MMP26: variants seen among roughly 807,000 people sequenced by gnomAD.
MMP26 encodes the protein matrix metalloproteinase-26.
In MMP26, 33 loss-of-function variants were observed where a neutral mutation model predicts 31.0. That is an observed-to-expected ratio of 1.06 (90% CI 0.81 to 1.42). The LOEUF is 1.42. Among genes scored for constraint, MMP26 ranks in the 40% most tolerant of loss-of-function variants. MMP26 has a pLI of 0.00. For missense variants in MMP26, 347 were observed against 316.1 expected, an observed-to-expected ratio of 1.10 and a Z score of -0.74; for synonymous variants, 122 against 114.9, an observed-to-expected ratio of 1.06 and a Z score of -0.40.
At chr11:4,966,600 G>A (rs1197525114) in intron 2 of MMP26, among the ~76,000 whole-genome samples, 6 of 152,198 alleles carry the variant, frequency 3.9e-5, no homozygotes, top group Non-Finnish European at 7.3e-5. Context: ...CTTGGTCAAG[G>A]TGAGACTCTC....
chr11:4,838,316 A>G (rs1229726503), intron 2 of MMP26, among the ~76,000 whole-genome samples: 2 of 37,950 alleles, frequency 5.3e-5, no homozygotes, highest in Non-Finnish European at 8.3e-5. Flanking sequence ...GACTCTGTCT[A>G]AAAAAAAAAA....
At chr11:4,908,555 G>A in intron 2 of MMP26, 1 of 516,726 alleles carries the variant, frequency 1.9e-6, no homozygotes. Context: ...TTCTGTGATG[G>A]AGCAGCTGGA....
intron 2 of MMP26, among the ~76,000 whole-genome samples, chr11:4,888,154 A>T (rs962150945): frequency 2.0e-5 from 3 of 152,204 alleles, no homozygotes; most frequent in Non-Finnish European, 4.4e-5. Context: ...AAATATGTTA[A>T]TAATAGTTTT....
intron 2 of MMP26, chr11:4,908,358 C>T (rs766958529): frequency 6.8e-7 from 1 of 1,478,548 alleles, no homozygotes; most frequent in South Asian, 1.1e-5. Flanking sequence ...CATTTACTGT[C>T]ATTTGCTATG....
chr11:4,706,577 C>CAAAAAAAAAAAA (rs71050423), intron 1 of MMP26, among the ~76,000 whole-genome samples: 2 of 87,560 alleles, frequency 2.3e-5, no homozygotes, highest in Non-Finnish European at 4.2e-5. Flanking sequence ...GACCCTATCT[C>CAAAAAAAAAAAA]AAAAAAAAAA....
In MMP26 at chr11:4,939,315, C is replaced by T. The variant is rs80355175; in HGVS notation, c.-144-48753C>T. Among the ~76,000 whole-genome samples the T allele has an allele frequency of 3.3e-3, 495 of 152,224 alleles. 1 individual carries two copies. Among genetic ancestry groups the T allele is most frequent in the African/African-American group, 8.9e-3 (370 of 41,562 alleles). ...GATGGTAATAATTTCCCCCATTCTTCAGGCTACACTTCACTTATTTCATCA... is the reference window on the plus strand; with the variant it reads ...GATGGTAATAATTTCCCCCATTCTTTAGGCTACACTTCACTTATTTCATCA... On this transcript the variant is annotated intron_variant, in intron 2 of 7. Transcript: ENST00000380390.
chr11:4,760,504 T>C (rs1848557950), intron 1 of MMP26, among the ~76,000 whole-genome samples: 1 of 152,306 alleles, frequency 6.6e-6, no homozygotes, highest in Admixed American at 6.5e-5. Context: ...AGAAAATAGA[T>C]GAGAGGATGG....
chr11:4,893,246 TTAA>T (rs1406714598), intron 2 of MMP26, among the ~76,000 whole-genome samples: 19 of 152,180 alleles, frequency 1.2e-4, no homozygotes, highest in African/African-American at 2.4e-5. Flanking sequence ...TAAAAATAAG[TTAA>T]TAAATGATAA....
intron 1 of MMP26, among the ~76,000 whole-genome samples, chr11:4,737,365 C>A (rs1024600611): frequency 6.6e-6 from 1 of 152,096 alleles, no homozygotes; most frequent in South Asian, 2.1e-4. Flanking sequence ...CAGAGGTGGC[C>A]AGGCACAGTG....
At chr11:4,776,470 T>C (rs903901346) in intron 2 of MMP26, among the ~76,000 whole-genome samples, 1 of 151,826 alleles carries the variant, frequency 6.6e-6, no homozygotes, top group Non-Finnish European at 1.5e-5. Context: ...TTTGACTTTT[T>C]AATAATAGCA....
chr11:4,716,657 T>TTTC (rs1847934680), intron 1 of MMP26, among the ~76,000 whole-genome samples: 1 of 119,808 alleles, frequency 8.3e-6, no homozygotes, highest in Non-Finnish European at 1.8e-5. Context: ...CCTCTTTTTT[T>TTTC]TTTTTTTTTT....
At chr11:4,981,812 T>C (rs1218943754) in intron 2 of MMP26, among the ~76,000 whole-genome samples, 1 of 151,986 alleles carries the variant, frequency 6.6e-6, no homozygotes, top group Non-Finnish European at 1.5e-5. Context: ...TTTATACTTT[T>C]AAGTTTTTTT....
chr11:4,710,836 C>A (rs1847853671), intron 1 of MMP26: 1 of 173,186 alleles, frequency 5.8e-6, no homozygotes, highest in Non-Finnish European at 1.3e-5. Flanking sequence ...TGTAGCTATC[C>A]AAAGTAGATC....
chr11:4,783,417 T>C (rs1242280556), intron 2 of MMP26, among the ~76,000 whole-genome samples: 1 of 152,360 alleles, frequency 6.6e-6, no homozygotes, highest in South Asian at 2.1e-4. Flanking sequence ...TGGCTGTATT[T>C]ACCCAATGCC....
intron 2 of MMP26, among the ~76,000 whole-genome samples, chr11:4,852,802 A>G (rs1230767738): frequency 6.6e-6 from 1 of 152,186 alleles, no homozygotes; most frequent in East Asian, 1.9e-4. Context: ...AATAGCCAAG[A>G]TATGGAAACA....
At chr11:4,739,136 T>TC (rs1848280278) in intron 1 of MMP26, among the ~76,000 whole-genome samples, 1 of 152,214 alleles carries the variant, frequency 6.6e-6, no homozygotes, top group Admixed American at 6.5e-5. Flanking sequence ...GTGAACTAGA[T>TC]ACACAGAGGC....
At chr11:4,806,293 C>T (rs904086064) in intron 2 of MMP26, among the ~76,000 whole-genome samples, 23 of 151,938 alleles carry the variant, frequency 1.5e-4, no homozygotes, top group African/African-American at 2.2e-4. Flanking sequence ...CTTTCTGTCT[C>T]GTTGGTCTGT....
intron 2 of MMP26, among the ~76,000 whole-genome samples, chr11:4,816,050 T>C (rs1343563874): frequency 6.6e-6 from 1 of 152,220 alleles, no homozygotes; most frequent in African/African-American, 2.4e-5. Flanking sequence ...TGCTGTCCCA[T>C]AGGTATTTGT....
At position 4,981,820 on chromosome 11, in the gene MMP26, T is replaced by C. The variant is rs1468341524; in HGVS notation, c.-144-6248T>C. ...TAAGCTTTTTATACTTTTAAGTTTTTTTCTTTTTTTTCTTTTTTAAACTTT... is the reference window on the plus strand; with the variant it reads ...TAAGCTTTTTATACTTTTAAGTTTTCTTCTTTTTTTTCTTTTTTAAACTTT... On this transcript the variant is annotated intron_variant, in intron 2 of 7. Transcript: ENST00000380390. Among the ~76,000 whole-genome samples, 11 of 151,248 alleles carry C rather than the reference T, an allele frequency of 7.3e-5. No homozygotes were observed. In the East Asian group the frequency reaches 2.1e-3, roughly 29 times the overall value.
Sources: gnomAD v4.1 joint callset for allele counts (sites outside exome capture counted in the v4.1 genomes callset) on GRCh38, gnomAD v4.1.1 for gene constraint, MANE v1.5 for transcripts, NCBI Gene and HGNC (gene_info 2026-07-23, HGNC 2026-07-21) for gene names.